Variants in PCDHGB2 observed in about 807,000 individuals in gnomAD.
The protein encoded by PCDHGB2 is protocadherin gamma subfamily B, 2.
PCDHGB2 carries 55 observed loss-of-function variants against 59.3 expected under a neutral mutation model. That is an observed-to-expected ratio of 0.93 (90% CI 0.75 to 1.16). PCDHGB2 has a LOEUF of 1.16. Among genes scored for constraint, PCDHGB2 ranks in the 50% most tolerant of loss-of-function variants. PCDHGB2 has a pLI of 0.00. For synonymous variants in PCDHGB2, 516 were observed against 512.0 expected (o/e 1.01, Z -0.11); for missense variants, 1,228 against 1,198.5 (o/e 1.02, Z -0.36).
intron 1 of PCDHGB2, chr5:141,414,168 T>C: frequency 6.2e-7 from 1 of 1,605,598 alleles, no homozygotes; most frequent in Non-Finnish European, 8.5e-7. Context: ...GAGGAGCATA[T>C]CTTGCAACTG....
chr5:141,414,289 C>T (rs1435700383), intron 1 of PCDHGB2: 1 of 1,613,394 alleles, frequency 6.2e-7, no homozygotes, highest in African/African-American at 1.3e-5. Flanking sequence ...AGTCGTAGCC[C>T]TTTTAAATGT....
At chr5:141,483,772 G>C (rs2099586910) in intron 1 of PCDHGB2, among the ~76,000 whole-genome samples, 1 of 152,140 alleles carries the variant, frequency 6.6e-6, no homozygotes, top group Non-Finnish European at 1.5e-5. Flanking sequence ...AAAAATATTG[G>C]GGAAGGATAA....
At chr5:141,433,935 T>G (rs2097665519) in intron 1 of PCDHGB2, among the ~76,000 whole-genome samples, 2 of 152,150 alleles carry the variant, frequency 1.3e-5, no homozygotes, top group African/African-American at 2.4e-5. Context: ...GATTTTATAA[T>G]TCCATTGTTT....
intron 1 of PCDHGB2, among the ~76,000 whole-genome samples, chr5:141,401,288 G>A (rs973425272): frequency 1.3e-5 from 2 of 152,094 alleles, no homozygotes; most frequent in Non-Finnish European, 2.9e-5. Flanking sequence ...GTTGCGGTGA[G>A]CCGAGATCAC....
At position 141,493,223 on chromosome 5, in the gene PCDHGB2, A is replaced by G. The variant is rs2099747083; in HGVS notation, c.2422-1584A>G. Among the ~76,000 whole-genome samples, 1 of 152,142 alleles carries G rather than the reference A, an allele frequency of 6.6e-6. No homozygotes were observed. The highest frequency in any genetic ancestry group is 6.6e-5 in the Admixed American group (1 of 15,262). On this transcript the variant is annotated intron_variant, in intron 1 of 3. Transcript: ENST00000522605. The surrounding 1 kb of genome is among the most constrained non-coding windows in gnomAD (Gnocchi z 4.3). ...CCTCATCTCATTTGCTCTTCCCACC[A>G]TTGCTGTTGGCTAGGTACTAACATG...
At chr5:141,384,259 C>A in intron 1 of PCDHGB2, 1 of 1,613,886 alleles carries the variant, frequency 6.2e-7, no homozygotes, top group Non-Finnish European at 8.5e-7. Flanking sequence ...CACCTTCCCC[C>A]ACTCATCCTA....
At chr5:141,419,452 G>T (rs1590172506) in intron 1 of PCDHGB2, 1 of 1,612,754 alleles carries the variant, frequency 6.2e-7, no homozygotes, top group Non-Finnish European at 8.5e-7. Flanking sequence ...TCGAGCTCAC[G>T]CTGCAGGCCC....
At position 141,366,680 on chromosome 5, in the gene PCDHGB2, A is replaced by T. The variant is rs747876337; in HGVS notation, c.2421+4124A>T. Reference sequence around the variant, plus strand: ...CGCAGACACGCTCCTTAGTGAAGAGAGCTGTGAGAAAAGCGAGCCTCTTCT... The same window carrying T: ...CGCAGACACGCTCCTTAGTGAAGAGTGCTGTGAGAAAAGCGAGCCTCTTCT... On this transcript the variant is annotated intron_variant, in intron 1 of 3. Transcript: ENST00000522605. 1.3e-5 allele frequency: 21 copies of T among 1,614,096 alleles called. No individual in the cohort carries two copies. The East Asian group carries it at 4.2e-4, about 33-fold the overall frequency.
intron 1 of PCDHGB2, chr5:141,374,477 C>T (rs376389009): frequency 7.4e-6 from 12 of 1,611,808 alleles, no homozygotes; most frequent in Non-Finnish European, 9.3e-6. Context: ...CAATACACCC[C>T]GATTCTTAAA....
intron 1 of PCDHGB2, chr5:141,389,498 A>C: frequency 6.2e-7 from 1 of 1,613,046 alleles, no homozygotes; most frequent in African/African-American, 1.3e-5. Context: ...AGGGCTCGCC[A>C]GCGCTCAGCG....
At chr5:141,416,947 T>G (rs1436457377) in intron 1 of PCDHGB2, 1 of 152,184 alleles carries the variant, frequency 6.6e-6, no homozygotes, top group Non-Finnish European at 1.5e-5. Flanking sequence ...CCATTGAAAC[T>G]ATTATTTTAT....
At chr5:141,472,058 C>T (rs149583469) in intron 1 of PCDHGB2, among the ~76,000 whole-genome samples, 114 of 152,176 alleles carry the variant, frequency 7.5e-4, no homozygotes, top group African/African-American at 2.6e-3. Context: ...AAATGATTGA[C>T]ATGTCTGTGG....
chr5:141,495,108 C>G (rs1304714928), intron 2 of PCDHGB2, among the ~76,000 whole-genome samples: 1 of 152,176 alleles, frequency 6.6e-6, no homozygotes, highest in Admixed American at 6.5e-5. Context: ...ACGACCGGCA[C>G]CTTTTCCTAT....
intron 1 of PCDHGB2, among the ~76,000 whole-genome samples, chr5:141,438,641 C>T (rs1285585706): frequency 0.044 from 3,509 of 79,018 alleles, 123 homozygotes; most frequent in Non-Finnish European, 0.061. Flanking sequence ...TATATACACA[C>T]ACACACACAC....
intron 1 of PCDHGB2, chr5:141,421,286 T>G: frequency 6.2e-7 from 1 of 1,613,284 alleles, no homozygotes; most frequent in Non-Finnish European, 8.5e-7. Flanking sequence ...CTGTGCATTT[T>G]CCTGGGGACG....
Position 141,361,723 on chromosome 5 carries a change from C to T in PCDHGB2, c.1588C>T (p.Leu530Phe), listed in dbSNP as rs1282437481. 3 of 1,613,236 alleles carry T rather than the reference C, an allele frequency of 1.9e-6. No individual in the cohort carries two copies. The highest frequency in any genetic ancestry group is 2.5e-6 in the Non-Finnish European group (3 of 1,179,856). The change falls in exon 1 of 4, where the codon CTC (leucine) becomes TTC (phenylalanine). Residue 530 changes from leucine to phenylalanine, a missense_variant. Leu to Phe is a conservative substitution (Grantham distance 22). Around this residue, in one of 3 missense-constraint regions of PCDHGB2, gnomAD observed 781 missense variants for 721.6 expected, o/e 1.08. Transcript: ENST00000522605. ...TCATGAGCAGCTGCGCGCCTTCGAG[C>T]TCACACTGCAGGCCCGCGACCAGGG... ...FDHEQLRAFE[L>F]TLQARDQGSP...
chr5:141,441,364 CGT>C (rs1283671958), intron 1 of PCDHGB2: 1 of 152,528 alleles, frequency 6.6e-6, no homozygotes, highest in African/African-American at 2.4e-5. Context: ...CAAATGGGGC[CGT>C]GGACCAGGAA....
chr5:141,405,467 T>G lies in PCDHGB2; in HGVS notation c.2421+42911T>G. On this transcript the variant is annotated intron_variant, in intron 1 of 3. Transcript: ENST00000522605. The stretch of plus-strand genomic sequence containing the variant: ...CAGAGTCTTACTCTGTTACCCAGGC[T>G]GGAATGCAGTGGTGTGATCTCGGCT... 3.6e-6 allele frequency: 4 copies of G among 1,103,716 alleles called. No individual in the cohort carries two copies. The South Asian group carries it at 6.1e-5, about 17-fold the overall frequency. 68.4% of individuals were successfully genotyped at this position (1,103,716 alleles called of 1,614,324 possible). A position where few individuals can be genotyped will look rare whatever the true frequency, so the allele number is the denominator to read the frequency against.
rs998267605 is a variant in PCDHGB2 at position 141,383,657 on chromosome 5, A to T, written c.2421+21101A>T. The stretch of plus-strand genomic sequence containing the variant: ...CCTCAGTACCAAGTAACTGTCCCCG[A>T]GAATGTGCCAGTGGGTACAAGACTG... On this transcript the variant is annotated intron_variant, in intron 1 of 3. Transcript: ENST00000522605. 6 of 1,614,058 alleles carry T rather than the reference A, an allele frequency of 3.7e-6. No homozygotes were observed. In the East Asian group the frequency reaches 1.3e-4, roughly 36 times the overall value.
Sources: allele counts gnomAD v4.1 joint callset (sites outside exome capture counted in the v4.1 genomes callset), GRCh38; gene constraint gnomAD v4.1.1; regional missense constraint gnomAD v4.1.1; non-coding constraint Gnocchi (gnomAD v3.1); transcripts MANE v1.5; gene names NCBI Gene and HGNC (gene_info 2026-07-23, HGNC 2026-07-21).